AKR1A1: variants seen among roughly 807,000 people sequenced by gnomAD.
AKR1A1 encodes the protein aldo-keto reductase family 1 member A1.
Under a neutral mutation model 39.2 loss-of-function variants are expected in AKR1A1, and 26 were observed. The ratio of observed to expected loss-of-function variants is 0.66; its 90% CI spans 0.49 to 0.92. The LOEUF is 0.92. AKR1A1 is among the 40% of genes least tolerant of loss of function. AKR1A1 has a pLI of 0.00. For missense variants in AKR1A1, 378 were observed against 406.5 expected (o/e 0.93, Z 0.60); for synonymous variants, 141 against 155.5 (o/e 0.91, Z 0.69).
chr1:45,564,894 C>T (rs1644319938), intron 2 of AKR1A1, among the ~76,000 whole-genome samples: 1 of 151,760 alleles, frequency 6.6e-6, no homozygotes, highest in Admixed American at 6.6e-5. Context: ...GCAATCTCGC[C>T]TCACTGCAAG....
chr1:45,566,744 A>C, intron 3 of AKR1A1, 56 bp downstream of exon 3: 1 of 1,606,444 alleles, frequency 6.2e-7, no homozygotes, highest in Non-Finnish European at 8.5e-7. Context: ...AGCTGAAGCT[A>C]GGGCTGGGGC....
rs1020523200 is a variant in AKR1A1, at chr1:45,569,194, A to T, written c.877A>T (p.Asn293Tyr). 4.3e-6 allele frequency: 7 copies of T among 1,614,066 alleles called. No individual in the cohort carries two copies. In the Admixed American group the frequency reaches 8.3e-5, roughly 19 times the overall value. The change falls in exon 8 of 9, where the codon AAC becomes TAC. Residue 293 changes from asparagine to tyrosine, a missense_variant. Transcript: ENST00000351829. ...PEEMKQLNAL[N>Y]KNWRYIVPML... The stretch of plus-strand genomic sequence containing the variant: ...AGAGATGAAGCAGCTAAATGCCCTG[A>T]ACAAAAATTGGAGATATATTGTGCC...
At position 45,551,121 on chromosome 1, in the gene AKR1A1, A is replaced by G. The variant is rs1199108871; in HGVS notation, c.-41A>G. Reference sequence around the variant, plus strand: ...CGGGGTGCAGAACTGAGCCCAGGCCACAGTACCCTATTCACGCTCTGTGCT... The same window carrying G: ...CGGGGTGCAGAACTGAGCCCAGGCCGCAGTACCCTATTCACGCTCTGTGCT... On this transcript the variant is annotated 5_prime_UTR_variant, in exon 1 of 9. Transcript: ENST00000351829. 1 of 152,226 alleles carries G rather than the reference A, an allele frequency of 6.6e-6. No homozygotes were observed. Among genetic ancestry groups the G allele is most frequent in the Non-Finnish European group, 1.5e-5 (1 of 68,066 alleles). 9.4% of individuals were successfully genotyped at this position (152,226 alleles called of 1,614,324 possible). A position where few individuals can be genotyped will look rare whatever the true frequency, so the allele number is the denominator to read the frequency against.
At position 45,566,937 on chromosome 1, in the gene AKR1A1, G is replaced by A. The variant is rs371315263; in HGVS notation, c.273G>A (p.Val91=). ...LWNTKHHPED[V]EPALRKTLAD... ...ACACCAAGCACCACCCCGAGGATGT[G>A]GAGCCTGCCCTCCGGAAGACTCTGG... Residue 91 remains valine, a synonymous_variant, in exon 4 of 9, where the codon GTG becomes GTA. Coordinates refer to ENST00000351829, the MANE Select transcript of AKR1A1 (RefSeq NM_153326.3). 2 of 1,614,082 alleles carry A rather than the reference G, an allele frequency of 1.2e-6. No individual in the cohort carries two copies. The highest frequency in any genetic ancestry group is 2.7e-5 in the African/African-American group (2 of 74,940).
At chr1:45,555,664 G>A (rs937598451) in intron 1 of AKR1A1, among the ~76,000 whole-genome samples, 1 of 152,120 alleles carries the variant, frequency 6.6e-6, no homozygotes, top group Non-Finnish European at 1.5e-5. Context: ...ATCTGAAGGG[G>A]TCCTGGAACC....
intron 1 of AKR1A1, among the ~76,000 whole-genome samples, chr1:45,555,536 AT>A (rs1401569053): frequency 1.3e-5 from 2 of 152,176 alleles, no homozygotes; most frequent in African/African-American, 4.8e-5. Flanking sequence ...TAGCATTTAT[AT>A]TGTATTAGGA....
rs758462169 is a variant in AKR1A1, at chr1:45,568,161, G to T, written c.536G>T (p.Arg179Leu). 1 of 1,613,024 alleles carries T rather than the reference G, an allele frequency of 6.2e-7. No homozygotes were observed. Among genetic ancestry groups the T allele is most frequent in the East Asian group, 2.2e-5 (1 of 44,858 alleles). The change falls in exon 5 of 9, where the codon CGT becomes CTT. Residue 179 changes from arginine (R) to leucine (L), a missense_variant. Coordinates refer to ENST00000351829, the MANE Select transcript of AKR1A1 (RefSeq NM_153326.3). ...IDDILSVASV[R>L]PAVLQVECHP... Reference sequence around the variant, plus strand: ...GACATACTCAGTGTGGCCTCCGTGCGTCCAGCTGTCTTGCAGGTAAGGACA... The same window carrying T: ...GACATACTCAGTGTGGCCTCCGTGCTTCCAGCTGTCTTGCAGGTAAGGACA...
At chr1:45,562,368 G>A (rs538571611) in intron 2 of AKR1A1, among the ~76,000 whole-genome samples, 1 of 147,970 alleles carries the variant, frequency 6.8e-6, no homozygotes, top group South Asian at 2.1e-4. Flanking sequence ...TCGAGACAGG[G>A]TCTCGCTCTG....
At chr1:45,552,046 G>T (rs896757100) in intron 1 of AKR1A1, among the ~76,000 whole-genome samples, 12 of 152,050 alleles carry the variant, frequency 7.9e-5, no homozygotes, top group African/African-American at 2.9e-4. Flanking sequence ...GGAGTGAGGG[G>T]TTCAGGCAGA....
At chr1:45,563,564 CG>C (rs1644304734) in intron 2 of AKR1A1, among the ~76,000 whole-genome samples, 1 of 151,656 alleles carries the variant, frequency 6.6e-6, no homozygotes, top group Admixed American at 6.6e-5. Context: ...CTGAGGCAGG[CG>C]GATCACCTGA....
At chr1:45,562,461 C>A (rs988947589) in intron 2 of AKR1A1, among the ~76,000 whole-genome samples, 1 of 151,570 alleles carries the variant, frequency 6.6e-6, no homozygotes, top group Non-Finnish European at 1.5e-5. Flanking sequence ...CCCACCTCAG[C>A]CTCCTGAGTA....
intron 1 of AKR1A1, among the ~76,000 whole-genome samples, chr1:45,556,305 G>A (rs1319500518): frequency 2.6e-5 from 4 of 152,344 alleles, no homozygotes; most frequent in Middle Eastern, 6.8e-3. Flanking sequence ...GGTTTCCGCC[G>A]GGCGCGGCGG....
rs751964331 is a variant in AKR1A1 at position 45,567,973 on chromosome 1, C to G, written c.357-9C>G. On this transcript the variant is annotated splice_polypyrimidine_tract_variant and intron_variant, in intron 4 of 8. Coordinates refer to ENST00000351829, the MANE Select transcript of AKR1A1 (RefSeq NM_153326.3). ...GTGTCCACACTTGGTGGGGCTGTCT[C>G]TCACTCAGGCGGGGAGACAACCCCT... The G allele has an allele frequency of 3.1e-6, 5 of 1,605,076 alleles. No individual in the cohort carries two copies. The highest frequency in any genetic ancestry group is 1.1e-5 in the South Asian group (1 of 90,320).
chr1:45,560,988 A>G (rs1257003016), intron 1 of AKR1A1, among the ~76,000 whole-genome samples: 1 of 152,038 alleles, frequency 6.6e-6, no homozygotes, highest in Non-Finnish European at 1.5e-5. Flanking sequence ...CGGCCTCCCA[A>G]AGTGCTGGGA....
intron 1 of AKR1A1, among the ~76,000 whole-genome samples, chr1:45,559,094 A>G (rs1198520546): frequency 1.3e-5 from 2 of 152,268 alleles, no homozygotes; most frequent in East Asian, 3.9e-4. Flanking sequence ...CCATCCTAGC[A>G]AGGTTACCCT....
intron 1 of AKR1A1, among the ~76,000 whole-genome samples, chr1:45,553,143 G>A (rs576930993): frequency 9.9e-5 from 15 of 151,876 alleles, no homozygotes; most frequent in Non-Finnish European, 2.2e-4. Context: ...ATTTAAAAAG[G>A]CTGGGCACAG....
Position 45,568,590 on chromosome 1 carries a change from T to C in AKR1A1, c.658T>C (p.Trp220Arg), listed in dbSNP as rs199907648. The change falls in exon 6 of 9, where the codon TGG becomes CGG. Residue 220 changes from tryptophan to arginine, a missense_variant. Trp to Arg is a moderately radical substitution (Grantham distance 101). Coordinates refer to ENST00000351829, the MANE Select transcript of AKR1A1 (RefSeq NM_153326.3). ...YSPLGSSDRAWRDPDEPVLLE... is the reference protein window; with the variant it reads ...YSPLGSSDRARRDPDEPVLLE... ...CCCTTTGGGCTCCTCTGATCGTGCA[T>C]GGCGTGATCCTGATGAGCCTGTCCT... 5.6e-6 allele frequency: 9 copies of C among 1,614,036 alleles called. No homozygotes were observed. Among genetic ancestry groups the C allele is most frequent in the Middle Eastern group, 1.7e-4 (1 of 5,990 alleles).
rs547173274 is a variant in AKR1A1, at chr1:45,550,908, C to G, written c.-254C>G. ...GACCAAGTTCCGGCCAGTTCGACCT[C>G]GAGGATCCAGAGGTGGAGACGGTAC... On this transcript the variant is annotated 5_prime_UTR_variant, in exon 1 of 9. Transcript: ENST00000351829. 5.9e-5 allele frequency: 9 copies of G among 152,460 alleles called. No homozygotes were observed. The South Asian group carries it at 1.9e-3, about 32-fold the overall frequency. 9.4% of individuals were successfully genotyped at this position (152,460 alleles called of 1,614,324 possible).
chr1:45,554,263 C>G (rs968993762), intron 1 of AKR1A1, among the ~76,000 whole-genome samples: 1 of 151,398 alleles, frequency 6.6e-6, no homozygotes. Context: ...CCTGTCTCTA[C>G]GAAAAACACA....
Sources: allele counts gnomAD v4.1 joint callset (sites outside exome capture counted in the v4.1 genomes callset), GRCh38; gene constraint gnomAD v4.1.1; transcripts MANE v1.5; gene names NCBI Gene and HGNC (gene_info 2026-07-23, HGNC 2026-07-21).